The following CSF2RA variants were observed in gnomAD, a reference collection of about 807,000 sequenced individuals.
The protein encoded by CSF2RA is colony stimulating factor 2 receptor subunit alpha.
In CSF2RA, 42 loss-of-function variants were observed where a neutral mutation model predicts 51.6. The observed-to-expected ratio is 0.81, with a 90% CI of 0.64 to 1.05. CSF2RA has a LOEUF of 1.05. Among genes scored for constraint, CSF2RA ranks in the 50% least tolerant of loss-of-function variants. The pLI, the probability that CSF2RA is intolerant of heterozygous loss-of-function variation, is 0.00. For synonymous variants in CSF2RA, 222 were observed against 193.0 expected (o/e 1.15, Z -1.24); for missense variants, 530 against 501.1 (o/e 1.06, Z -0.55).
intron 3 of CSF2RA, among the ~76,000 whole-genome samples, chrX:1,285,344 G>A (rs1350819853): frequency 1.3e-5 from 2 of 152,050 alleles, no homozygotes; most frequent in Admixed American, 6.6e-5. Context: ...GGTGACAGAG[G>A]AAAATCAGCA....
intron 4 of CSF2RA, among the ~76,000 whole-genome samples, chrX:1,287,594 C>T (rs2090889205): frequency 6.8e-6 from 1 of 147,748 alleles, no homozygotes; most frequent in Admixed American, 6.8e-5. Context: ...CAGGTGCCCA[C>T]CACCACACCT....
downstream of CSF2RA, among the ~76,000 whole-genome samples, chrX:1,314,542 C>T (rs1355706561): frequency 3.5e-4 from 40 of 113,852 alleles, no homozygotes; most frequent in African/African-American, 1.3e-3. Flanking sequence ...TGCACCTGCC[C>T]AATCCCACTG....
At chrX:1,277,255 G>C (rs1403468535) in intron 2 of CSF2RA, among the ~76,000 whole-genome samples, 1 of 151,940 alleles carries the variant, frequency 6.6e-6, no homozygotes, top group Admixed American at 6.6e-5. Context: ...TACAGGAAAG[G>C]GGTTCGGATC....
rs1251454090 is a variant in CSF2RA at position 1,272,453 on chromosome X, G to A, written c.-90-2302G>A. 3.4e-5 allele frequency among the ~76,000 whole-genome samples: 5 copies of A among 145,894 alleles called. No individual in the cohort carries two copies. In the Admixed American group the frequency reaches 3.6e-4, roughly 10 times the overall value. On this transcript the variant is annotated intron_variant, in intron 1 of 12. Coordinates refer to ENST00000381529, the MANE Select transcript of CSF2RA (RefSeq NM_172245.4). The stretch of plus-strand genomic sequence containing the variant: ...AGGAGCAATATATAATTTCTACTGC[G>A]GACTGAACTCTGATTTTTTTCTTTA...
intron 2 of CSF2RA, among the ~76,000 whole-genome samples, chrX:1,275,973 G>A (rs1210455754): frequency 3.3e-5 from 5 of 151,778 alleles, no homozygotes; most frequent in African/African-American, 9.7e-5. Context: ...GATTACAGGC[G>A]TAAGCCACAG....
At chrX:1,315,476 TC>T in the CSF2RA span, among the ~76,000 whole-genome samples, 2 of 152,118 alleles carry the variant, frequency 1.3e-5, no homozygotes, top group Admixed American at 1.3e-4. Context: ...CGATCTCAGC[TC>T]ACTACAACCT....
chrX:1,318,954 C>T, the CSF2RA span, among the ~76,000 whole-genome samples: 2 of 150,646 alleles, frequency 1.3e-5, no homozygotes. Flanking sequence ...AGCTTCCTTT[C>T]GCCCCCTGGT....
chrX:1,288,702 A>C, intron 5 of CSF2RA, 57 bp from the exon 6 acceptor site: 1 of 1,613,896 alleles, frequency 6.2e-7, no homozygotes, highest in Non-Finnish European at 8.5e-7. Flanking sequence ...CGCCAGCATC[A>C]AAGTACATCC....
intron 10 of CSF2RA, chrX:1,303,508 G>A: frequency 2.1e-6 from 1 of 486,820 alleles, no homozygotes; most frequent in Middle Eastern, 5.6e-4. Flanking sequence ...CCAAAGTGCT[G>A]GGATGACAGG....
chrX:1,315,127 G>A (rs73624857), downstream of CSF2RA, among the ~76,000 whole-genome samples: 6 of 152,002 alleles, frequency 3.9e-5, no homozygotes, highest in African/African-American at 1.4e-4. Flanking sequence ...ACTGTGGGGG[G>A]GAGGGTCATC....
chrX:1,300,336 C>T (rs1216321720), intron 9 of CSF2RA, 155 bp from the exon 10 acceptor site: 14 of 901,440 alleles, frequency 1.6e-5, no homozygotes, highest in Middle Eastern at 3.4e-4. Context: ...TTCGAAGACC[C>T]GATCAGACCA....
the CSF2RA span, among the ~76,000 whole-genome samples, chrX:1,318,525 C>A: frequency 6.6e-6 from 1 of 152,138 alleles, no homozygotes; most frequent in Middle Eastern, 3.4e-3. Context: ...TACCCCCAGG[C>A]CGTTGGACTT....
At chrX:1,289,023 GC>G in intron 6 of CSF2RA, 135 bp downstream of exon 6, 14 of 1,198,652 alleles carry the variant, frequency 1.2e-5, no homozygotes, top group Non-Finnish European at 1.7e-5. Context: ...ATGCAATGGT[GC>G]CACCTCGGCT....
At chrX:1,316,467 G>A in the CSF2RA span, among the ~76,000 whole-genome samples, 1 of 152,228 alleles carries the variant, frequency 6.6e-6, no homozygotes, top group East Asian at 1.9e-4. Flanking sequence ...ATACTACCAG[G>A]GGCCATTCCA....
At chrX:1,324,565 A>G in the CSF2RA span, among the ~76,000 whole-genome samples, 3,847 of 150,718 alleles carry the variant, frequency 0.026, 162 homozygotes, top group African/African-American at 0.088. Context: ...GAAAGAAAAG[A>G]AGGAAGGAAG....
In CSF2RA at chrX:1,268,819, G is replaced by A; in HGVS notation, c.-151G>A. The A allele has an allele frequency of 2.2e-6, 1 of 454,168 alleles. No homozygotes were observed. The highest frequency in any genetic ancestry group is 1.6e-5 in the South Asian group (1 of 64,480). The allele number at this position is 454,168 out of a possible 1,614,324, so 28.1% of individuals were successfully genotyped here. Reference sequence around the variant, plus strand: ...GAGGAACTCTGAAGGGAGCTACTCAGAAGCGGGAGTCTCCGAGAGAAGAAA... The same window carrying A: ...GAGGAACTCTGAAGGGAGCTACTCAAAAGCGGGAGTCTCCGAGAGAAGAAA... On this transcript the variant is annotated 5_prime_UTR_variant, in exon 1 of 13. Transcript: ENST00000381529.
At chrX:1,308,557 C>T (rs766456940) in intron 12 of CSF2RA, among the ~76,000 whole-genome samples, 1 of 152,214 alleles carries the variant, frequency 6.6e-6, no homozygotes, top group East Asian at 1.9e-4. Flanking sequence ...GTGTCTTCCT[C>T]CCATGGGGAA....
At chrX:1,285,413 G>T (rs2090514391) in intron 3 of CSF2RA, among the ~76,000 whole-genome samples, 1 of 152,008 alleles carries the variant, frequency 6.6e-6, no homozygotes, top group African/African-American at 2.4e-5. Flanking sequence ...AACAGGGCCG[G>T]CCGGGCACGG....
At chrX:1,321,302 C>T in the CSF2RA span, among the ~76,000 whole-genome samples, 5 of 151,734 alleles carry the variant, frequency 3.3e-5, no homozygotes, top group Non-Finnish European at 2.9e-5. Context: ...ACCCTTTCTC[C>T]ACTAAAAATA....
Sources: gnomAD v4.1 joint callset for allele counts (sites outside exome capture counted in the v4.1 genomes callset) on GRCh38, gnomAD v4.1.1 for gene constraint, MANE v1.5 for transcripts, NCBI Gene and HGNC (gene_info 2026-07-23, HGNC 2026-07-21) for gene names.